The following FAR2 variants were observed in gnomAD, a reference collection of about 807,000 sequenced individuals.
The protein encoded by FAR2 is fatty acyl-CoA reductase 2.
Under a neutral mutation model 56.0 loss-of-function variants are expected in FAR2, and 19 were observed. The observed-to-expected ratio is 0.34, with a 90% confidence interval of 0.24 to 0.50. The LOEUF (loss-of-function observed/expected upper bound fraction) is 0.50. FAR2 is among the 20% of genes least tolerant of loss of function. FAR2 has a pLI of 0.98. For missense variants in FAR2, 508 were observed against 642.2 expected, an observed-to-expected ratio of 0.79 and a Z score of 2.26; for synonymous variants, 219 against 218.8, an observed-to-expected ratio of 1.00 and a Z score of -0.01.
chr12:29,187,584 T>C (rs1165236586), intron 1 of FAR2, among the ~76,000 whole-genome samples: 1 of 152,182 alleles, frequency 6.6e-6, no homozygotes, highest in Non-Finnish European at 1.5e-5. Context: ...AAGGGAATGA[T>C]TTATTCATAA....
At chr12:29,154,539 A>G (rs1241404885) in intron 1 of FAR2, among the ~76,000 whole-genome samples, 6 of 151,734 alleles carry the variant, frequency 4.0e-5, no homozygotes, top group Non-Finnish European at 8.8e-5. Flanking sequence ...GGTTCATGCC[A>G]TCCTCCTGCC....
At chr12:29,232,719 A>T (rs1947877840) in intron 1 of FAR2, among the ~76,000 whole-genome samples, 1 of 152,012 alleles carries the variant, frequency 6.6e-6, no homozygotes, top group South Asian at 2.1e-4. Flanking sequence ...ATAGTCTTTC[A>T]TAGTTTTGGC....
At chr12:29,159,323 G>A (rs906823815) in intron 1 of FAR2, among the ~76,000 whole-genome samples, 15 of 152,084 alleles carry the variant, frequency 9.9e-5, no homozygotes, top group Admixed American at 4.6e-4. Flanking sequence ...CGGATCATGA[G>A]GTCAGGAGAT....
chr12:29,293,876 G>T (rs955068980), intron 3 of FAR2, among the ~76,000 whole-genome samples: 2 of 151,952 alleles, frequency 1.3e-5, no homozygotes, highest in African/African-American at 4.8e-5. Flanking sequence ...TGGACATTTG[G>T]ATTGTTTTAA....
chr12:29,211,495 G>A (rs1403458091), intron 1 of FAR2, among the ~76,000 whole-genome samples: 2 of 152,124 alleles, frequency 1.3e-5, no homozygotes, highest in African/African-American at 4.8e-5. Context: ...AACAAGTTTA[G>A]AAAACTATAT....
chr12:29,161,452 A>T (rs1591823983), intron 1 of FAR2, among the ~76,000 whole-genome samples: 1 of 152,276 alleles, frequency 6.6e-6, no homozygotes, highest in Middle Eastern at 3.4e-3. Context: ...TGTTTGTGAG[A>T]TCTTTCAAAT....
At chr12:29,317,909 G>A (rs190951713) in intron 9 of FAR2, 60 of 152,750 alleles carry the variant, frequency 3.9e-4, no homozygotes, top group African/African-American at 1.3e-3. Context: ...TCAGTATTCG[G>A]AACCAGATTT....
intron 1 of FAR2, among the ~76,000 whole-genome samples, chr12:29,226,088 T>C (rs1177378738): frequency 6.6e-6 from 1 of 152,236 alleles, no homozygotes; most frequent in Non-Finnish European, 1.5e-5. Context: ...CATGGAGTTA[T>C]TGTAAAGATT....
rs377301059 is a variant in FAR2 at position 29,166,739 on chromosome 12, G to A, written c.-39+17332G>A. On this transcript the variant is annotated intron_variant, in intron 1 of 11. Coordinates refer to ENST00000536681, the MANE Select transcript of FAR2 (RefSeq NM_001271783.2). The stretch of plus-strand genomic sequence containing the variant: ...AGGCAAGTCCTCAGGCTTTGACATT[G>A]CTCCAGACAGCTATATCTGAAATCT... Among the ~76,000 whole-genome samples, 16 of 152,302 alleles carry A rather than the reference G, an allele frequency of 1.1e-4. No individual in the cohort carries two copies. In the East Asian group the frequency reaches 1.9e-3, roughly 18 times the overall value.
chr12:29,205,886 A>T (rs1440027904), intron 1 of FAR2, among the ~76,000 whole-genome samples: 1 of 150,442 alleles, frequency 6.6e-6, no homozygotes, highest in Admixed American at 6.6e-5. Flanking sequence ...GATTGTGGGG[A>T]TTAGATGCTC....
chr12:29,275,316 C>T (rs1387779354), intron 2 of FAR2, among the ~76,000 whole-genome samples: 7 of 152,012 alleles, frequency 4.6e-5, no homozygotes, highest in Admixed American at 3.3e-4. Flanking sequence ...AGGAATTTCA[C>T]AAGACGATGT....
chr12:29,242,549 C>A (rs1948054737), intron 1 of FAR2, among the ~76,000 whole-genome samples: 1 of 152,138 alleles, frequency 6.6e-6, no homozygotes, highest in Non-Finnish European at 1.5e-5. Flanking sequence ...TGCTGGGCTC[C>A]CAACTGTTCA....
chr12:29,333,367 C>A (rs911306993), intron 11 of FAR2: 1 of 380,880 alleles, frequency 2.6e-6, no homozygotes, highest in East Asian at 4.7e-5. Flanking sequence ...AGTATATTTA[C>A]AAGATTATGC....
intron 10 of FAR2, among the ~76,000 whole-genome samples, chr12:29,329,999 G>A (rs983050352): frequency 3.3e-5 from 5 of 151,010 alleles, no homozygotes; most frequent in Admixed American, 6.6e-5. Flanking sequence ...CATAGGACTC[G>A]TTGTTCAAAA....
intron 2 of FAR2, among the ~76,000 whole-genome samples, chr12:29,283,432 C>T (rs911087185): frequency 6.6e-5 from 10 of 152,044 alleles, no homozygotes; most frequent in South Asian, 2.1e-4. Flanking sequence ...TTTCCAAATA[C>T]GATGAACACA....
chr12:29,299,640 G>A (rs1283334374), intron 4 of FAR2, among the ~76,000 whole-genome samples: 1 of 152,298 alleles, frequency 6.6e-6, no homozygotes, highest in East Asian at 1.9e-4. Flanking sequence ...TTAAAAAACA[G>A]GGAAAAGTCA....
intron 1 of FAR2, among the ~76,000 whole-genome samples, chr12:29,205,989 G>A (rs1364663881): frequency 6.6e-6 from 1 of 152,148 alleles, no homozygotes; most frequent in African/African-American, 2.4e-5. Context: ...CCCAGGAGTA[G>A]AAGCATAATA....
chr12:29,286,754 T>C (rs1272332560), intron 2 of FAR2, among the ~76,000 whole-genome samples: 1 of 152,168 alleles, frequency 6.6e-6, no homozygotes, highest in East Asian at 1.9e-4. Flanking sequence ...TCTTTAAGAA[T>C]AGCATAATAT....
intron 8 of FAR2, among the ~76,000 whole-genome samples, chr12:29,312,676 T>C (rs751210461): frequency 1.3e-5 from 2 of 152,154 alleles, no homozygotes; most frequent in Non-Finnish European, 2.9e-5. Context: ...TATAAAACCA[T>C]GGAAATAGAG....
Sources: gnomAD v4.1 joint callset for allele counts (sites outside exome capture counted in the v4.1 genomes callset) on GRCh38, gnomAD v4.1.1 for gene constraint, MANE v1.5 for transcripts, NCBI Gene and HGNC (gene_info 2026-07-23, HGNC 2026-07-21) for gene names.